Variants in PLCG2 observed in about 807,000 individuals in gnomAD.
The protein encoded by PLCG2 is 1-phosphatidylinositol 4,5-bisphosphate phosphodiesterase gamma-2.
In PLCG2, 69 loss-of-function variants were observed where a neutral mutation model predicts 175.6. That is an observed-to-expected ratio of 0.39 (90% CI 0.32 to 0.48). PLCG2 has a LOEUF of 0.48. Among genes scored for constraint, PLCG2 ranks in the 20% least tolerant of loss-of-function variants. The pLI, the probability that PLCG2 is intolerant of heterozygous loss-of-function variation, is 0.91. For missense variants in PLCG2, 1,798 were observed against 1,650.9 expected (o/e 1.09, Z -1.54); for synonymous variants, 827 against 624.0 (o/e 1.33, Z -4.85).
At position 81,816,438 on chromosome 16, in the gene PLCG2, G is replaced by T. The variant is rs1904550238; in HGVS notation, c.193+30256G>T. Among the ~76,000 whole-genome samples, 3 of 151,804 alleles carry T rather than the reference G, an allele frequency of 2.0e-5. No homozygotes were observed. The South Asian group carries it at 6.2e-4, about 32-fold the overall frequency. ...ATATCCTATTTTGGGACCATGAAAA[G>T]GGTGACCTGGCAAGTCTGAGAAGGA... is the stretch of plus-strand genomic sequence containing the variant. On this transcript the variant is annotated intron_variant, in intron 2 of 32. Coordinates refer to ENST00000564138, the MANE Select transcript of PLCG2 (RefSeq NM_002661.5).
intron 2 of PLCG2, among the ~76,000 whole-genome samples, chr16:81,850,383 G>T (rs894550817): frequency 2.0e-5 from 3 of 152,164 alleles, no homozygotes; most frequent in Non-Finnish European, 4.4e-5. Context: ...TTCAGTGCAC[G>T]AAAAGGATCT....
At chr16:81,844,145 T>TA (rs1244061034) in intron 2 of PLCG2, among the ~76,000 whole-genome samples, 2 of 45,782 alleles carry the variant, frequency 4.4e-5, no homozygotes, top group African/African-American at 8.7e-5. Flanking sequence ...CCCGGCTGAT[T>TA]TTTTTTTTTT....
At chr16:81,803,364 G>T (rs35142664) in intron 2 of PLCG2, among the ~76,000 whole-genome samples, 50,329 of 151,576 alleles carry the variant, frequency 0.33, 8,485 homozygotes, top group Middle Eastern at 0.46. Flanking sequence ...CTAACATAAG[G>T]TTCGTTCATA....
chr16:81,831,664 G>A (rs1436688315), intron 2 of PLCG2, among the ~76,000 whole-genome samples: 1 of 152,160 alleles, frequency 6.6e-6, no homozygotes, highest in Non-Finnish European at 1.5e-5. Context: ...TTTGTACCCC[G>A]AGTGGGACTC....
At chr16:81,789,782 C>A (rs1368472383) in intron 2 of PLCG2, among the ~76,000 whole-genome samples, 1 of 152,016 alleles carries the variant, frequency 6.6e-6, no homozygotes, top group African/African-American at 2.4e-5. Context: ...CCACCTTCCC[C>A]CTCCTCTCCC....
At chr16:81,937,576 C>G in intron 27 of PLCG2, 182 bp from the exon 28 acceptor site, 1 of 438,032 alleles carries the variant, frequency 2.3e-6, no homozygotes, top group East Asian at 3.5e-5. Flanking sequence ...AAAGGTGTTC[C>G]CCAGTCTGGG....
intron 24 of PLCG2, among the ~76,000 whole-genome samples, chr16:81,930,935 G>T (rs573708157): frequency 6.6e-6 from 1 of 152,032 alleles, no homozygotes; most frequent in African/African-American, 2.4e-5. Flanking sequence ...AAATGAACAT[G>T]TATTGTTTTA....
intron 7 of PLCG2, among the ~76,000 whole-genome samples, chr16:81,874,954 T>TTGTTTTTTTGTTC (rs1555514807): frequency 0.017 from 964 of 58,004 alleles, 105 homozygotes; most frequent in Admixed American, 0.021. Context: ...ATGTGTTTTT[T>TTGTTTTTTTGTTC]TTTTTTTTTT....
intron 2 of PLCG2, among the ~76,000 whole-genome samples, chr16:81,790,156 T>C (rs1480900978): frequency 3.3e-5 from 5 of 152,194 alleles, no homozygotes; most frequent in African/African-American, 9.7e-5. Flanking sequence ...GAGGCTCGGC[T>C]GAATTCATAG....
chr16:81,753,560 A>C (rs1213708984), intron 1 of PLCG2, among the ~76,000 whole-genome samples: 1 of 151,938 alleles, frequency 6.6e-6, no homozygotes, highest in Non-Finnish European at 1.5e-5. Flanking sequence ...CTGGGATTAT[A>C]GGCGCACATT....
intron 7 of PLCG2, among the ~76,000 whole-genome samples, chr16:81,878,920 C>T (rs1486095436): frequency 1.3e-5 from 2 of 152,104 alleles, no homozygotes; most frequent in Non-Finnish European, 2.9e-5. Flanking sequence ...AACACGTTCC[C>T]AGGTGCCTGT....
At chr16:81,792,602 G>T (rs1354936461) in intron 2 of PLCG2, among the ~76,000 whole-genome samples, 1 of 151,954 alleles carries the variant, frequency 6.6e-6, no homozygotes, top group Non-Finnish European at 1.5e-5. Context: ...CAATATGGCT[G>T]GGGAGGCCTC....
At chr16:81,801,030 G>A (rs913777414) in intron 2 of PLCG2, among the ~76,000 whole-genome samples, 1 of 152,128 alleles carries the variant, frequency 6.6e-6, no homozygotes, top group African/African-American at 2.4e-5. Flanking sequence ...CCCCTAGAGG[G>A]TCTGGAGAAA....
At chr16:81,943,594 G>C (rs1376981455) in intron 30 of PLCG2, among the ~76,000 whole-genome samples, 1 of 152,158 alleles carries the variant, frequency 6.6e-6, no homozygotes, top group African/African-American at 2.4e-5. Flanking sequence ...CCACAGATTA[G>C]CTCATTAGAG....
chr16:81,831,052 T>A (rs1391072779), intron 2 of PLCG2, among the ~76,000 whole-genome samples: 1 of 152,170 alleles, frequency 6.6e-6, no homozygotes, highest in Non-Finnish European at 1.5e-5. Flanking sequence ...ATATTCTATC[T>A]CAGACATCAG....
intron 2 of PLCG2, among the ~76,000 whole-genome samples, chr16:81,761,206 G>A (rs1453092672): frequency 6.6e-6 from 1 of 152,062 alleles, no homozygotes; most frequent in Non-Finnish European, 1.5e-5. Context: ...CTACAAAAAT[G>A]TTTTTAAAGT....
intron 20 of PLCG2, among the ~76,000 whole-genome samples, chr16:81,920,339 G>C (rs1465217203): frequency 6.6e-6 from 1 of 152,204 alleles, no homozygotes; most frequent in Admixed American, 6.5e-5. Flanking sequence ...GCCAAGGACT[G>C]TTCTAGATAC....
Position 81,915,160 on chromosome 16 carries a change from C to CAG in PLCG2, c.2054+2445_2054+2446dup, listed in dbSNP as rs558610557. Among the ~76,000 whole-genome samples, 19 of 152,258 alleles carry CAG rather than the reference C, an allele frequency of 1.2e-4. No homozygotes were observed. The South Asian group carries it at 3.9e-3, about 32-fold the overall frequency. On this transcript the variant is annotated intron_variant, in intron 19 of 32. Coordinates refer to ENST00000564138, the MANE Select transcript of PLCG2 (RefSeq NM_002661.5). ...GAGTGCTACAAAGGGATTGGTCAGG[C>CAG]AGGGTGGTGGAGGGTGAGTAGCTCT...
intron 1 of PLCG2, among the ~76,000 whole-genome samples, chr16:81,752,198 A>G (rs556044192): frequency 6.1e-4 from 93 of 152,256 alleles, no homozygotes; most frequent in African/African-American, 2.0e-3. Flanking sequence ...ACTGCGTCTC[A>G]GAGTTCCCTG....
Sources: gnomAD v4.1 joint callset for allele counts (sites outside exome capture counted in the v4.1 genomes callset) on GRCh38, gnomAD v4.1.1 for gene constraint, MANE v1.5 for transcripts, NCBI Gene and HGNC (gene_info 2026-07-23, HGNC 2026-07-21) for gene names.